LGR4: variants seen among roughly 807,000 people sequenced by gnomAD.
LGR4 encodes leucine rich repeat containing G protein-coupled receptor 4, also known as leucine-rich repeat-containing G protein-coupled receptor 4.
A neutral mutation model predicts 84.8 loss-of-function variants in LGR4; 44 were observed. That is an observed-to-expected ratio of 0.52 (90% CI 0.41 to 0.67). The LOEUF is 0.67. Among genes scored for constraint, LGR4 ranks in the 30% least tolerant of loss-of-function variants. The pLI, the probability that LGR4 is intolerant of heterozygous loss-of-function variation, is 0.00. For synonymous variants in LGR4, 429 were observed against 434.3 expected (o/e 0.99, Z 0.15); for missense variants, 1,032 against 1,131.4 (o/e 0.91, Z 1.26).
rs779240485 is a variant in LGR4 at position 27,384,394 on chromosome 11, T to C, written c.631A>G (p.Asn211Asp). 3 of 1,609,220 alleles carry C rather than the reference T, an allele frequency of 1.9e-6. No individual in the cohort carries two copies. Among genetic ancestry groups the C allele is most frequent in the Non-Finnish European group, 2.6e-6 (3 of 1,176,356 alleles). Residue 211 changes from asparagine to aspartate, a missense_variant, in exon 6 of 18, where the codon AAT (asparagine) becomes GAT (aspartate). Coordinates refer to ENST00000379214, the MANE Select transcript of LGR4 (RefSeq NM_018490.5). Reference protein sequence around the residue: ...SSLVVLHLHNNKIRSLSQHCF... With the variant: ...SSLVVLHLHNDKIRSLSQHCF... ...TGTTGACTCAGGCTTCTAATTTTAT[T>C]GTTATGAAGATGCCTAAGGGGGAAA...
At chr11:27,426,657 C>T (rs927003793) in intron 1 of LGR4, among the ~76,000 whole-genome samples, 1 of 152,144 alleles carries the variant, frequency 6.6e-6, no homozygotes, top group Non-Finnish European at 1.5e-5. Flanking sequence ...TCTGGTGAGT[C>T]CCCAGCTCAT....
chr11:27,384,123 G>A (rs1188051540), intron 6 of LGR4: 1 of 458,462 alleles, frequency 2.2e-6, no homozygotes, highest in Non-Finnish European at 3.8e-6. Context: ...TTCTTTGGGG[G>A]AAAATATGCA....
At chr11:27,454,717 T>G (rs921983382) in intron 1 of LGR4, among the ~76,000 whole-genome samples, 2 of 149,444 alleles carry the variant, frequency 1.3e-5, no homozygotes, top group Non-Finnish European at 3.0e-5. Context: ...GCCGAGATCA[T>G]GCCACCTGCT....
chr11:27,464,891 G>GA (rs1342916663), intron 1 of LGR4, among the ~76,000 whole-genome samples: 7 of 146,602 alleles, frequency 4.8e-5, no homozygotes, highest in African/African-American at 7.5e-5. Context: ...TTAAAACTTT[G>GA]AAAAAAAAAA....
At chr11:27,440,791 G>A (rs565630120) in intron 1 of LGR4, among the ~76,000 whole-genome samples, 11 of 152,218 alleles carry the variant, frequency 7.2e-5, no homozygotes, top group Middle Eastern at 3.4e-3. Context: ...TGTGCTCTCA[G>A]AACTAGCAGC....
chr11:27,445,745 G>A (rs779464305), intron 1 of LGR4, among the ~76,000 whole-genome samples: 5 of 152,134 alleles, frequency 3.3e-5, no homozygotes, highest in Non-Finnish European at 7.3e-5. Flanking sequence ...AAGCCTGGTG[G>A]TGCATGCCTG....
At chr11:27,453,318 C>T (rs964936607) in intron 1 of LGR4, among the ~76,000 whole-genome samples, 3 of 152,206 alleles carry the variant, frequency 2.0e-5, no homozygotes, top group African/African-American at 2.4e-5. Context: ...GTGCCCACCT[C>T]GGCCTCCCAA....
chr11:27,467,171 T>C (rs1864790821), intron 1 of LGR4, among the ~76,000 whole-genome samples: 1 of 152,118 alleles, frequency 6.6e-6, no homozygotes, highest in Admixed American at 6.5e-5. Context: ...ATATTCCAGG[T>C]GAACTGGACA....
At chr11:27,426,372 G>T (rs979173556) in intron 1 of LGR4, among the ~76,000 whole-genome samples, 2 of 152,174 alleles carry the variant, frequency 1.3e-5, no homozygotes, top group African/African-American at 2.4e-5. Context: ...TGGGAGGAAT[G>T]ATGTAAAATT....
chr11:27,416,971 T>C (rs989158010), intron 1 of LGR4, among the ~76,000 whole-genome samples: 12 of 152,152 alleles, frequency 7.9e-5, no homozygotes, highest in Non-Finnish European at 1.8e-4. Flanking sequence ...TAAGCAAGCC[T>C]AACCTGTTTG....
chr11:27,412,438 G>T (rs1382248492), intron 2 of LGR4, among the ~76,000 whole-genome samples: 5 of 152,064 alleles, frequency 3.3e-5, no homozygotes, highest in African/African-American at 1.2e-4. Flanking sequence ...TACCCATATA[G>T]CAACTCCTTG....
At chr11:27,401,000 C>A (rs1029721036) in intron 2 of LGR4, among the ~76,000 whole-genome samples, 1 of 152,106 alleles carries the variant, frequency 6.6e-6, no homozygotes, top group African/African-American at 2.4e-5. Context: ...TCTTCACATA[C>A]TAGGGAAGAC....
intron 2 of LGR4, among the ~76,000 whole-genome samples, chr11:27,402,859 C>T (rs971912812): frequency 6.6e-6 from 1 of 152,142 alleles, no homozygotes. Context: ...AGCTCCAGTA[C>T]ACAGTCATCT....
rs189106604 is a variant in LGR4, at chr11:27,435,965, C to A, written c.186-23105G>T. Among the ~76,000 whole-genome samples the A allele has an allele frequency of 3.0e-3, 448 of 151,212 alleles. 2 individuals carry two copies. Among genetic ancestry groups the A allele is most frequent in the African/African-American group, 0.01 (431 of 41,144 alleles). On this transcript the variant is annotated intron_variant, in intron 1 of 17. Transcript: ENST00000379214. ...TCGCTCTGTCACCCAGGCTGGAGTG[C>A]AGTGGCGCGATCTGGGGCTCACTGC...
At chr11:27,401,829 T>C (rs1863509695) in intron 2 of LGR4, among the ~76,000 whole-genome samples, 1 of 152,220 alleles carries the variant, frequency 6.6e-6, no homozygotes, top group Non-Finnish European at 1.5e-5. Flanking sequence ...CAACAGGCCC[T>C]GCCCTTCCTT....
chr11:27,371,041 A>G (rs1263273945), intron 17 of LGR4, among the ~76,000 whole-genome samples: 4 of 152,190 alleles, frequency 2.6e-5, no homozygotes, highest in African/African-American at 9.6e-5. Flanking sequence ...TCATAAAATT[A>G]ATGTCCAGAT....
At chr11:27,457,685 C>G (rs984704270) in intron 1 of LGR4, among the ~76,000 whole-genome samples, 1 of 152,130 alleles carries the variant, frequency 6.6e-6, no homozygotes, top group Admixed American at 6.5e-5. Context: ...GAAATAAATA[C>G]CTATGTTCAT....
intron 1 of LGR4, 43 bp downstream of exon 1, chr11:27,472,075 C>T (rs1864885367): frequency 9.4e-6 from 11 of 1,170,084 alleles, no homozygotes; most frequent in Admixed American, 5.0e-5. Context: ...CCGCTGGGCC[C>T]CGTTTCCTCC....
intron 2 of LGR4, among the ~76,000 whole-genome samples, chr11:27,408,917 A>G (rs1310758373): frequency 6.6e-6 from 1 of 152,134 alleles, no homozygotes; most frequent in South Asian, 2.1e-4. Flanking sequence ...GTAAAGTGCA[A>G]AGATTTCAGA....
Sources: allele counts gnomAD v4.1 joint callset (sites outside exome capture counted in the v4.1 genomes callset), GRCh38; gene constraint gnomAD v4.1.1; transcripts MANE v1.5; gene names NCBI Gene and HGNC (gene_info 2026-07-23, HGNC 2026-07-21).